ARHGAP39: variants seen among roughly 807,000 people sequenced by gnomAD.
The protein encoded by ARHGAP39 is rho GTPase-activating protein 39.
ARHGAP39 carries 44 observed loss-of-function variants against 106.9 expected under a neutral mutation model. That is an observed-to-expected ratio of 0.41 (90% confidence interval 0.32 to 0.53). The LOEUF is 0.53. Ranked by LOEUF, ARHGAP39 falls within the 20% of genes least tolerant of loss-of-function variation. ARHGAP39 has a pLI of 0.21. For missense variants in ARHGAP39, 1,496 were observed against 1,577.3 expected, an observed-to-expected ratio of 0.95 and a Z score of 0.87; for synonymous variants, 768 against 693.2, an observed-to-expected ratio of 1.11 and a Z score of -1.69.
chr8:144,539,925 A>G (rs992406796), intron 6 of ARHGAP39, among the ~76,000 whole-genome samples: 2 of 152,060 alleles, frequency 1.3e-5, no homozygotes, highest in African/African-American at 4.8e-5. Context: ...TTTCTAAAAC[A>G]AAAAAAAGTG....
rs1816638567 is a variant in ARHGAP39 at position 144,530,529 on chromosome 8, G to C, written c.3238C>G (p.Gln1080Glu). Residue 1080 changes from glutamine (Q) to glutamate (E), a missense_variant, in exon 12 of 12, where the codon CAG (glutamine) becomes GAG (glutamate). Around this residue, in one of 4 missense-constraint regions of ARHGAP39, gnomAD observed 470 missense variants for 605.1 expected, o/e 0.78. Coordinates refer to ENST00000377307, the MANE Select transcript of ARHGAP39 (RefSeq NM_025251.3). The part of the protein sequence containing the change: ...MVMAPNCLRC[Q>E]SDDPRVIFEN... ...AAGATGACGCGCGGGTCGTCGGACTGGCAGCGCAAGCAGTTGGGCGCCATC... is the reference window on the plus strand; with the variant it reads ...AAGATGACGCGCGGGTCGTCGGACTCGCAGCGCAAGCAGTTGGGCGCCATC... The C allele has an allele frequency of 1.2e-6, 2 of 1,611,982 alleles. No individual in the cohort carries two copies. The highest frequency in any genetic ancestry group is 8.5e-7 in the Non-Finnish European group (1 of 1,179,708).
chr8:144,658,103 A>C (rs1023207190), intron 1 of ARHGAP39, among the ~76,000 whole-genome samples: 3 of 151,938 alleles, frequency 2.0e-5, no homozygotes, highest in Non-Finnish European at 4.4e-5. Context: ...ATCCTACAGC[A>C]TTTCTTTCTT....
intron 2 of ARHGAP39, among the ~76,000 whole-genome samples, chr8:144,583,212 T>C (rs1407341080): frequency 6.6e-6 from 1 of 151,022 alleles, no homozygotes; most frequent in African/African-American, 2.4e-5. Context: ...AGGCAGCACC[T>C]TTCAGTCCCG....
At chr8:144,551,322 G>T (rs989063561) in intron 4 of ARHGAP39, among the ~76,000 whole-genome samples, 13 of 152,194 alleles carry the variant, frequency 8.5e-5, no homozygotes, top group Admixed American at 6.5e-5. Flanking sequence ...ACGGACATGG[G>T]TTCTGCCCAG....
chr8:144,613,489 AG>A (rs1311721244), intron 1 of ARHGAP39, among the ~76,000 whole-genome samples: 2 of 146,664 alleles, frequency 1.4e-5, no homozygotes, highest in Non-Finnish European at 3.0e-5. Context: ...CTTGGTGGAC[AG>A]TTTTTTTTTT....
At chr8:144,537,569 C>T in intron 7 of ARHGAP39, 152 bp downstream of exon 7, 1 of 678,218 alleles carries the variant, frequency 1.5e-6, no homozygotes, top group Non-Finnish European at 2.5e-6. Flanking sequence ...GTCACCTGGG[C>T]CCTCCAGCTC....
At position 144,679,796 on chromosome 8, in the gene ARHGAP39, C is replaced by A. The variant is rs1339361249; in HGVS notation, c.-82+5890G>T. Among the ~76,000 whole-genome samples the A allele has an allele frequency of 3.3e-5, 5 of 152,142 alleles. No individual in the cohort carries two copies. The highest frequency in any genetic ancestry group is 9.7e-5 in the African/African-American group (4 of 41,436). On this transcript the variant is annotated intron_variant, in intron 1 of 11. Coordinates refer to ENST00000377307, the MANE Select transcript of ARHGAP39 (RefSeq NM_025251.3). The surrounding 1 kb of genome is among the most constrained non-coding windows in gnomAD (Gnocchi z 4.7). ...GAGATCGAGACCATCCTGGCTAACA[C>A]AGTGAAACCCCGTGTCTACTAAAAA...
chr8:144,621,323 G>A (rs118158398), intron 1 of ARHGAP39, among the ~76,000 whole-genome samples: 1,791 of 152,360 alleles, frequency 0.012, 12 homozygotes, highest in Non-Finnish European at 0.019. Context: ...AGTTTTCCAC[G>A]GCCCCCAGGG....
Position 144,646,963 on chromosome 8 carries a change from CCATT to C in ARHGAP39, c.-82+38719_-82+38722del, listed in dbSNP as rs1237768155. ...GCTGGAGGCATCTGCTCTGCTCTGACCATTTTTTTTTTTTTTTTTTTTTTGAGAC... is the reference window on the plus strand; with the variant it reads ...GCTGGAGGCATCTGCTCTGCTCTGACTTTTTTTTTTTTTTTTTTTTGAGAC... On this transcript the variant is annotated intron_variant, in intron 1 of 11. Transcript: ENST00000377307. This position sits in a 1 kb window ranked among gnomAD's most constrained non-coding sequence, Gnocchi z 5.7. 6.7e-6 allele frequency among the ~76,000 whole-genome samples: 1 copy of C among 150,164 alleles called. No homozygotes were observed. Among genetic ancestry groups the C allele is most frequent in the Non-Finnish European group, 1.5e-5 (1 of 67,662 alleles).
chr8:144,556,988 G>A (rs1334717294), intron 3 of ARHGAP39, among the ~76,000 whole-genome samples: 8 of 141,826 alleles, frequency 5.6e-5, no homozygotes, highest in Non-Finnish European at 4.5e-5. Context: ...AACCTTCATA[G>A]TATTCAGAGG....
intron 1 of ARHGAP39, among the ~76,000 whole-genome samples, chr8:144,676,605 C>T (rs1258734187): frequency 1.3e-5 from 2 of 152,260 alleles, no homozygotes; most frequent in Admixed American, 6.5e-5. Context: ...AAGTCCCCAC[C>T]CGACCCAGAA....
rs1817389455 is a variant in ARHGAP39, at chr8:144,545,737, C to G, written c.2033G>C (p.Cys678Ser). 6.2e-7 allele frequency: 1 copy of G among 1,611,700 alleles called. No individual in the cohort carries two copies. Among genetic ancestry groups the G allele is most frequent in the Admixed American group, 1.7e-5 (1 of 59,992 alleles). ...GCGCAGCGTGAAAGTGGGGAAGACG[C>G]AGCTGGAGCTGGGAACGCCGCTGCG... ...QSRSGVPSSS[C>S]VFPTFTLRKP... The change falls in exon 6 of 12, where the codon TGC (cysteine) becomes TCC (serine). Residue 678 changes from cysteine to serine, a missense_variant. Physicochemically the swap from Cys to Ser is moderately radical, Grantham distance 112. Coordinates refer to ENST00000377307, the MANE Select transcript of ARHGAP39 (RefSeq NM_025251.3).
At chr8:144,680,371 T>A (rs1185124720) in intron 1 of ARHGAP39, among the ~76,000 whole-genome samples, 1 of 152,192 alleles carries the variant, frequency 6.6e-6, no homozygotes, top group Non-Finnish European at 1.5e-5. Context: ...AGAGCGGCCA[T>A]GGACAATACA....
At chr8:144,560,668 A>G (rs1161712403) in intron 3 of ARHGAP39, among the ~76,000 whole-genome samples, 1 of 152,130 alleles carries the variant, frequency 6.6e-6, no homozygotes, top group Non-Finnish European at 1.5e-5. Context: ...TGGGCCTTCA[A>G]TGTTATGCTC....
At chr8:144,618,500 G>A (rs918483895) in intron 1 of ARHGAP39, among the ~76,000 whole-genome samples, 1 of 152,248 alleles carries the variant, frequency 6.6e-6, no homozygotes, top group African/African-American at 2.4e-5. Context: ...CTGTCCACCA[G>A]AATGCTGTAC....
intron 2 of ARHGAP39, among the ~76,000 whole-genome samples, chr8:144,603,832 A>G (rs540511696): frequency 3.9e-5 from 6 of 152,332 alleles, no homozygotes; most frequent in African/African-American, 1.4e-4. Flanking sequence ...GCTGATTCCA[A>G]GGCTGAGCAG....
chr8:144,591,760 T>A lies in ARHGAP39; in HGVS notation c.81-10483A>T, dbSNP rs528253981. On this transcript the variant is annotated intron_variant, in intron 2 of 11. Transcript: ENST00000377307. This position sits in a 1 kb window ranked among gnomAD's most constrained non-coding sequence, Gnocchi z 5.3. The stretch of plus-strand genomic sequence containing the variant: ...AAGGACAGGACCACATGGACGCAGG[T>A]CAAACGCGGTGAGCAGTGAGGTGCC... Among the ~76,000 whole-genome samples, 2 of 152,270 alleles carry A rather than the reference T, an allele frequency of 1.3e-5. No homozygotes were observed. Among genetic ancestry groups the A allele is most frequent in the East Asian group, 3.9e-4 (2 of 5,176 alleles).
At chr8:144,692,909 G>A in the ARHGAP39 span, among the ~76,000 whole-genome samples, 1 of 151,372 alleles carries the variant, frequency 6.6e-6, no homozygotes, top group South Asian at 2.1e-4. Flanking sequence ...ACAGGCATGT[G>A]CCAGCATGCC....
chr8:144,606,558 G>A (rs1228740416), intron 1 of ARHGAP39, among the ~76,000 whole-genome samples: 1 of 152,150 alleles, frequency 6.6e-6, no homozygotes, highest in African/African-American at 2.4e-5. Flanking sequence ...GTTGTTATCC[G>A]AAGGCTTCCC....
Sources: allele counts gnomAD v4.1 joint callset (sites outside exome capture counted in the v4.1 genomes callset), GRCh38; gene constraint gnomAD v4.1.1; regional missense constraint gnomAD v4.1.1; non-coding constraint Gnocchi (gnomAD v3.1); transcripts MANE v1.5; gene names NCBI Gene and HGNC (gene_info 2026-07-23, HGNC 2026-07-21).